Variants in ZZEF1 observed in about 807,000 individuals in gnomAD.
ZZEF1 encodes zinc finger ZZ-type and EF-hand domain-containing protein 1.
In ZZEF1, 157 loss-of-function variants were observed where a neutral mutation model predicts 342.8. The observed-to-expected ratio is 0.46, with a 90% confidence interval of 0.40 to 0.52. The LOEUF (loss-of-function observed/expected upper bound fraction) is 0.52. Ranked by LOEUF, ZZEF1 falls within the 20% of genes least tolerant of loss-of-function variation. The probability of loss-of-function intolerance (pLI) is 0.00; values close to 1 mark genes in which losing one functional copy is unlikely to be tolerated. For synonymous variants in ZZEF1, 1,505 were observed against 1,429.1 expected, an observed-to-expected ratio of 1.05 and a Z score of -1.20; for missense variants, 3,480 against 3,725.6, an observed-to-expected ratio of 0.93 and a Z score of 1.72.
intron 8 of ZZEF1, 30 bp downstream of exon 8, chr17:4,104,603 T>G (rs770290128): frequency 1.2e-6 from 2 of 1,609,672 alleles, no homozygotes; most frequent in Admixed American, 3.4e-5. Flanking sequence ...TGTTGACATT[T>G]CTATCACCCC....
rs547934172 is a variant in ZZEF1 at position 4,096,375 on chromosome 17, A to T, written c.1764+234T>A. On this transcript the variant is annotated intron_variant, in intron 10 of 54. Coordinates refer to ENST00000381638, the MANE Select transcript of ZZEF1 (RefSeq NM_015113.4). Reference sequence around the variant, plus strand: ...TAATAAAAGGTAATATTCAATAATAACCTAATTGTACATGGAAAAGTAACT... The same window carrying T: ...TAATAAAAGGTAATATTCAATAATATCCTAATTGTACATGGAAAAGTAACT... Among the ~76,000 whole-genome samples the T allele has an allele frequency of 5.9e-5, 9 of 152,316 alleles. No homozygotes were observed. The East Asian group carries it at 1.7e-3, about 29-fold the overall frequency.
intron 1 of ZZEF1, among the ~76,000 whole-genome samples, chr17:4,140,065 T>C (rs1452411743): frequency 6.6e-6 from 1 of 152,216 alleles, no homozygotes; most frequent in Non-Finnish European, 1.5e-5. Flanking sequence ...AAGTGGAAGA[T>C]GTCCGTGGAG....
chr17:4,138,077 G>A (rs1279649048), intron 1 of ZZEF1, among the ~76,000 whole-genome samples: 2 of 152,198 alleles, frequency 1.3e-5, no homozygotes, highest in Non-Finnish European at 2.9e-5. Context: ...GTGGGGGAAA[G>A]GTAAATTAGC....
intron 2 of ZZEF1, among the ~76,000 whole-genome samples, chr17:4,117,611 G>C (rs1312956498): frequency 7.7e-6 from 1 of 129,120 alleles, no homozygotes; most frequent in Admixed American, 9.4e-5. Flanking sequence ...TCACGCCACT[G>C]CACTCCAGCC....
In ZZEF1 at chr17:4,004,874, G is replaced by A. The variant is rs2055770229; in HGVS notation, c.*2016C>T. The A allele has an allele frequency of 6.6e-6, 1 of 152,274 alleles. No individual in the cohort carries two copies. The highest frequency in any genetic ancestry group is 2.4e-5 in the African/African-American group (1 of 41,476). 9.4% of individuals were successfully genotyped at this position (152,274 alleles called of 1,614,324 possible). On this transcript the variant is annotated 3_prime_UTR_variant, in exon 55 of 55. Transcript: ENST00000381638. ...CGCGGGTGCGAGCGGACTCAGGCTT[G>A]TTTCCCGTGAACTGCAGCGAAGATC...
At chr17:4,009,061 G>A (rs757096937) in intron 53 of ZZEF1, 107 bp from the exon 54 acceptor site, 64 of 1,346,198 alleles carry the variant, frequency 4.8e-5, no homozygotes, top group Non-Finnish European at 6.1e-5. Context: ...TCTCATGGGC[G>A]GACGCTACTC....
intron 9 of ZZEF1, among the ~76,000 whole-genome samples, chr17:4,097,778 T>C (rs2145417898): frequency 6.6e-6 from 1 of 152,130 alleles, no homozygotes; most frequent in African/African-American, 2.4e-5. Context: ...ATCTTACTGG[T>C]TCCCTCATTA....
intron 1 of ZZEF1, among the ~76,000 whole-genome samples, chr17:4,127,587 TA>T (rs558209580): frequency 3.3e-5 from 5 of 151,076 alleles, no homozygotes; most frequent in East Asian, 1.9e-4. Flanking sequence ...ACTTTCCTAT[TA>T]AAAAAAAAGC....
intron 34 of ZZEF1, among the ~76,000 whole-genome samples, chr17:4,052,637 C>CAGGCAGATCG (rs1263664363): frequency 6.6e-6 from 1 of 152,226 alleles, no homozygotes. Context: ...GAGGCCGAGG[C>CAGGCAGATCG]AGGCAGATCG....
intron 13 of ZZEF1, among the ~76,000 whole-genome samples, chr17:4,088,318 C>T (rs1481067950): frequency 1.3e-5 from 2 of 152,170 alleles, no homozygotes; most frequent in African/African-American, 4.8e-5. Context: ...GAAAATTCAC[C>T]TAGACCTCAG....
In ZZEF1 at chr17:4,064,410, G is replaced by A. The variant is rs1171820464; in HGVS notation, c.4669C>T (p.Leu1557=). The A allele has an allele frequency of 1.9e-6, 3 of 1,611,962 alleles. No individual in the cohort carries two copies. Among genetic ancestry groups the A allele is most frequent in the Non-Finnish European group, 2.5e-6 (3 of 1,178,210 alleles). ...TTAATGAAGTCCATGACGTCCTTCA[G>A]CACAGGGTATTTCTCTTTCACTGTG... ...VPTVKEKYPV[L]KDVMDFIKDQ... is the part of the protein sequence containing the mutation. Residue 1557 remains leucine (L), a synonymous_variant, in exon 29 of 55, where the codon CTG becomes TTG. Transcript: ENST00000381638.
intron 9 of ZZEF1, among the ~76,000 whole-genome samples, chr17:4,098,908 G>C (rs941759932): frequency 2.0e-5 from 3 of 152,118 alleles, no homozygotes; most frequent in Non-Finnish European, 4.4e-5. Context: ...GTAATACTAA[G>C]AACTATCCCA....
intron 7 of ZZEF1, among the ~76,000 whole-genome samples, 191 bp from the exon 8 acceptor site, chr17:4,105,002 A>G (rs1244967280): frequency 1.3e-5 from 2 of 152,256 alleles, no homozygotes; most frequent in African/African-American, 4.8e-5. Flanking sequence ...GAGCCAGGGA[A>G]TGAAAGCCTC....
At chr17:4,137,811 A>C (rs574151361) in intron 1 of ZZEF1, among the ~76,000 whole-genome samples, 1 of 152,326 alleles carries the variant, frequency 6.6e-6, no homozygotes, top group South Asian at 2.1e-4. Context: ...AACAGGTAAC[A>C]GGAGCCTCAG....
rs1201186619 is a variant in ZZEF1 at position 4,014,664 on chromosome 17, G to A, written c.8146-149C>T. 1 of 849,860 alleles carries A rather than the reference G, an allele frequency of 1.2e-6. No homozygotes were observed. The highest frequency in any genetic ancestry group is 1.9e-6 in the Non-Finnish European group (1 of 533,204). 52.6% of individuals were successfully genotyped at this position (849,860 alleles called of 1,614,324 possible). The stretch of plus-strand genomic sequence containing the variant: ...CCTCCAGGAGTGCAGAGTCCAGCTA[G>A]GGCGAGGAGCATGCACAGACTGCAA... On this transcript the variant is annotated intron_variant, in intron 49 of 54. Transcript: ENST00000381638. The surrounding 1 kb of genome is among the most constrained non-coding windows in gnomAD (Gnocchi z 4.4).
intron 5 of ZZEF1, among the ~76,000 whole-genome samples, chr17:4,111,583 C>A (rs1409722676): frequency 2.7e-5 from 4 of 149,600 alleles, no homozygotes; most frequent in Admixed American, 1.3e-4. Flanking sequence ...TGCGTGAACC[C>A]CGGAGGTGGA....
intron 32 of ZZEF1, among the ~76,000 whole-genome samples, chr17:4,057,705 G>C (rs1174137208): frequency 6.6e-6 from 1 of 152,192 alleles, no homozygotes; most frequent in Non-Finnish European, 1.5e-5. Flanking sequence ...AATGTACATA[G>C]CTCTACTGCA....
chr17:4,040,669 G>T (rs2056783572), intron 39 of ZZEF1, among the ~76,000 whole-genome samples: 2 of 152,124 alleles, frequency 1.3e-5, no homozygotes, highest in Admixed American at 1.3e-4. Flanking sequence ...ACAAAAAAAG[G>T]AGAAAATAAC....
At chr17:4,139,571 T>G (rs1436258856) in intron 1 of ZZEF1, among the ~76,000 whole-genome samples, 1 of 152,240 alleles carries the variant, frequency 6.6e-6, no homozygotes, top group East Asian at 1.9e-4. Context: ...CAAAAGTATA[T>G]ACTTATTCAA....
Sources: allele counts gnomAD v4.1 joint callset (sites outside exome capture counted in the v4.1 genomes callset), GRCh38; gene constraint gnomAD v4.1.1; non-coding constraint Gnocchi (gnomAD v3.1); transcripts MANE v1.5; gene names NCBI Gene and HGNC (gene_info 2026-07-23, HGNC 2026-07-21).